The following PISD variants were observed in gnomAD, a reference collection of about 807,000 sequenced individuals.
The protein encoded by PISD is phosphatidylserine decarboxylase proenzyme, mitochondrial.
PISD carries 31 observed loss-of-function variants against 43.5 expected under a neutral mutation model. That is an observed-to-expected ratio of 0.71 (90% CI 0.54 to 0.96). The LOEUF is 0.96. PISD is among the 40% of genes least tolerant of loss of function. The probability of loss-of-function intolerance (pLI) is 0.00; values close to 1 mark genes in which losing one functional copy is unlikely to be tolerated. For missense variants in PISD, 523 were observed against 548.4 expected (o/e 0.95, Z 0.46); for synonymous variants, 259 against 228.7 (o/e 1.13, Z -1.20).
In PISD at chr22:31,618,685, G is replaced by A; in HGVS notation, c.*927C>T. 1 of 350,312 alleles carries A rather than the reference G, an allele frequency of 2.9e-6. No homozygotes were observed. The highest frequency in any genetic ancestry group is 5.1e-6 in the Non-Finnish European group (1 of 195,710). The allele number at this position is 350,312 out of a possible 1,614,324, so 21.7% of individuals were successfully genotyped here. ...TCTGGCCCTGTCCCCGCCACTGGGG[G>A]CTCCCCAGGCCTGCGTTCCTGATAA... On this transcript the variant is annotated 3_prime_UTR_variant, in exon 8 of 8. Transcript: ENST00000439502.
Position 31,650,733 on chromosome 22 carries a change from G to C in PISD, c.111C>G (p.Pro37=), listed in dbSNP as rs540456265. Residue 37 remains proline, a synonymous_variant, in exon 2 of 8, where the codon CCC becomes CCG. Coordinates refer to ENST00000439502, the MANE Select transcript of PISD (RefSeq NM_001326411.2). The stretch of plus-strand genomic sequence containing the variant: ...AGGCTCTAAAAGGCAGCTTCCGTAA[G>C]GGCTGTAGGGATTGGCTCAGGGCAG... ...EITALSQSLQ[P]LRKLPFRAFR... 1 of 1,556,102 alleles carries C rather than the reference G, an allele frequency of 6.4e-7. No homozygotes were observed. The highest frequency in any genetic ancestry group is 8.7e-7 in the Non-Finnish European group (1 of 1,149,766).
intron 3 of PISD, among the ~76,000 whole-genome samples, chr22:31,641,758 T>G (rs2073737476): frequency 6.6e-6 from 1 of 151,110 alleles, no homozygotes; most frequent in African/African-American, 2.5e-5. Flanking sequence ...AGGCGCAGGT[T>G]GCAGTGAGCT....
chr22:31,619,556 A>G lies in PISD; in HGVS notation c.*56T>C, dbSNP rs764411173. The G allele has an allele frequency of 6.8e-6, 10 of 1,470,356 alleles. No individual in the cohort carries two copies. The South Asian group carries it at 1.0e-4, about 15-fold the overall frequency. 91.1% of individuals were successfully genotyped at this position (1,470,356 alleles called of 1,614,324 possible). On this transcript the variant is annotated 3_prime_UTR_variant, in exon 8 of 8. Transcript: ENST00000439502. ...GGCCTCATGGGCCTCCCTCTTGAAA[A>G]GACCCTCACTCTGTTTGGAAAAGAT...
At chr22:31,650,204 A>G (rs2073993866) in intron 2 of PISD, among the ~76,000 whole-genome samples, 2 of 152,192 alleles carry the variant, frequency 1.3e-5, no homozygotes, top group African/African-American at 4.8e-5. Flanking sequence ...GAGGCCGGGC[A>G]CGGTGGCTCA....
intron 3 of PISD, chr22:31,628,764 C>A: frequency 5.4e-6 from 5 of 921,858 alleles, no homozygotes; most frequent in Non-Finnish European, 6.5e-6. Context: ...CAGAGCACAG[C>A]TGCAACCATG....
At position 31,620,617 on chromosome 22, in the gene PISD, C is replaced by T; in HGVS notation, c.941G>A (p.Gly314Asp). The T allele has an allele frequency of 6.2e-7, 1 of 1,614,224 alleles. No homozygotes were observed. Among genetic ancestry groups the T allele is most frequent in the Non-Finnish European group, 8.5e-7 (1 of 1,180,032 alleles). ...CCCCACAGCTGTCAGTGAGAAGAAG[C>T]CATGTTTCCAGTCCCCCGTCAGGAC... ...RVVLTGDWKH[G>D]FFSLTAVGAT... is the part of the protein sequence containing the mutation. Residue 314 changes from glycine (G) to aspartate (D), a missense_variant, in exon 7 of 8, where the codon GGC becomes GAC. Physicochemically the swap from Gly to Asp is moderately conservative, Grantham distance 94. Transcript: ENST00000439502.
chr22:31,623,555 C>T (rs111934124), intron 3 of PISD: 51 of 963,766 alleles, frequency 5.3e-5, no homozygotes, highest in African/African-American at 4.1e-4. Flanking sequence ...CCTTCCGACC[C>T]GGACCCCCTG....
At chr22:31,642,893 G>T (rs2073777633) in intron 3 of PISD, among the ~76,000 whole-genome samples, 1 of 151,466 alleles carries the variant, frequency 6.6e-6, no homozygotes, top group African/African-American at 2.4e-5. Context: ...ACCTGAGGTC[G>T]GGAGTTCGAG....
At chr22:31,620,098 G>A (rs2072432596) in intron 7 of PISD, among the ~76,000 whole-genome samples, 1 of 152,240 alleles carries the variant, frequency 6.6e-6, no homozygotes, top group South Asian at 2.1e-4. Context: ...GCATGGTGCT[G>A]GGAGAGCAGC....
chr22:31,628,287 C>G, intron 3 of PISD: 1 of 669,312 alleles, frequency 1.5e-6, no homozygotes, highest in Non-Finnish European at 1.8e-6. Flanking sequence ...CCTTGGCCAG[C>G]AGTGTTTCTG....
chr22:31,626,067 C>G (rs1038929230), intron 3 of PISD: 5 of 1,410,370 alleles, frequency 3.5e-6, no homozygotes, highest in Non-Finnish European at 3.7e-6. Context: ...GTCACCTGCT[C>G]AGGGCTTGCA....
intron 7 of PISD, 117 bp downstream of exon 7, chr22:31,620,436 A>C: frequency 2.9e-6 from 3 of 1,020,310 alleles, no homozygotes; most frequent in Non-Finnish European, 4.3e-6. Flanking sequence ...GCCAGGCCTG[A>C]CCAGAGCTGT....
chr22:31,631,005 C>G (rs2073183830), intron 3 of PISD: 1 of 315,342 alleles, frequency 3.2e-6, no homozygotes, highest in Non-Finnish European at 4.6e-6. Flanking sequence ...ACCCGAGGGC[C>G]CCTTTAAGAG....
intron 1 of PISD, among the ~76,000 whole-genome samples, chr22:31,653,170 G>A (rs566565520): frequency 5.3e-5 from 8 of 151,852 alleles, no homozygotes; most frequent in Non-Finnish European, 8.8e-5. Flanking sequence ...CACCCCCAAG[G>A]CCAGACAGCT....
In PISD at chr22:31,621,329, C is replaced by T. The variant is rs1603393478; in HGVS notation, c.697+5G>A. On this transcript the variant is annotated splice_donor_5th_base_variant and intron_variant, in intron 5 of 7. Transcript: ENST00000439502. ...CTGCCTAGCCCCGCCTGTGCAGTGA[C>T]CCACCTGGTGGGAAGGGCAGGTCCT... The T allele has an allele frequency of 6.2e-7, 1 of 1,614,008 alleles. No individual in the cohort carries two copies. Among genetic ancestry groups the T allele is most frequent in the Non-Finnish European group, 8.5e-7 (1 of 1,179,998 alleles).
At chr22:31,628,130 G>A in intron 3 of PISD, 1 of 985,652 alleles carries the variant, frequency 1.0e-6, no homozygotes, top group Non-Finnish European at 1.2e-6. Context: ...CCAGCTGTGG[G>A]CCCCAGAAGA....
intron 2 of PISD, among the ~76,000 whole-genome samples, chr22:31,650,286 T>C (rs2073995726): frequency 6.6e-6 from 1 of 152,172 alleles, no homozygotes; most frequent in Non-Finnish European, 1.5e-5. Context: ...GAGACCAGCC[T>C]GGGCATCATA....
Position 31,637,160 on chromosome 22 carries a change from AAAAAATATATATATATATATATATAT to A in PISD, c.321+10915_321+10940del, listed in dbSNP as rs1281258782. On this transcript the variant is annotated intron_variant, in intron 3 of 7. Coordinates refer to ENST00000439502, the MANE Select transcript of PISD (RefSeq NM_001326411.2). ...AAATAAATTAAAAAAAAAAAAAAAA[AAAAAATATATATATATATATATATAT>A]ATATATATATATATATATATAGAAA... Among the ~76,000 whole-genome samples the A allele has an allele frequency of 2.6e-3, 61 of 23,368 alleles. 2 individuals are homozygous for A. The highest frequency in any genetic ancestry group is 0.026 in the Middle Eastern group (1 of 38). The allele number at this position is 23,368 out of a possible 152,430, so 15.3% of individuals were successfully genotyped here.
intron 3 of PISD, among the ~76,000 whole-genome samples, chr22:31,634,220 A>T (rs1032440165): frequency 6.6e-6 from 1 of 152,206 alleles, no homozygotes; most frequent in African/African-American, 2.4e-5. Context: ...GCTAATTCTC[A>T]TTCCCTGGGG....
Sources: gnomAD v4.1 joint callset for allele counts (sites outside exome capture counted in the v4.1 genomes callset) on GRCh38, gnomAD v4.1.1 for gene constraint, MANE v1.5 for transcripts, NCBI Gene and HGNC (gene_info 2026-07-23, HGNC 2026-07-21) for gene names.